EML6: variants seen among roughly 807,000 people sequenced by gnomAD.
EML6 encodes EMAP like 6.
Under a neutral mutation model 240.1 loss-of-function variants are expected in EML6, and 154 were observed. The observed-to-expected ratio is 0.64, with a 90% CI of 0.56 to 0.73. The LOEUF (loss-of-function observed/expected upper bound fraction) is 0.73, where lower values mean the gene tolerates loss of function less well. Ranked by LOEUF, EML6 falls within the 30% of genes least tolerant of loss-of-function variation. The probability of loss-of-function intolerance (pLI) is 0.00; values close to 1 mark genes in which losing one functional copy is unlikely to be tolerated. For missense variants in EML6, 2,964 were observed against 2,474.6 expected (o/e 1.20, Z -4.20); for synonymous variants, 1,148 against 899.0 (o/e 1.28, Z -4.95).
intron 2 of EML6, among the ~76,000 whole-genome samples, chr2:54,787,299 G>T (rs1345748567): frequency 6.6e-6 from 1 of 152,102 alleles, no homozygotes; most frequent in African/African-American, 2.4e-5. Context: ...GAGGGTTGGG[G>T]GGGGGTCTTT....
At chr2:54,743,665 A>G (rs1335518893) in intron 2 of EML6, among the ~76,000 whole-genome samples, 1 of 152,190 alleles carries the variant, frequency 6.6e-6, no homozygotes, top group Non-Finnish European at 1.5e-5. Flanking sequence ...CTAGAGTTGT[A>G]GTCTCTAAAC....
intron 28 of EML6, among the ~76,000 whole-genome samples, chr2:54,932,169 G>A (rs542436893): frequency 6.6e-6 from 1 of 152,248 alleles, no homozygotes; most frequent in South Asian, 2.1e-4. Context: ...AGAATCCTGG[G>A]CTACACCTAC....
In EML6 at chr2:54,970,399, G is replaced by A. The variant is rs1676938407; in HGVS notation, c.*304G>A. On this transcript the variant is annotated 3_prime_UTR_variant, in exon 42 of 42. Coordinates refer to ENST00000356458, the MANE Select transcript of EML6 (RefSeq NM_001039753.4). Reference sequence around the variant, plus strand: ...GAAATCCTATCTGATAATGTAGCCCGCTGACGAATTTTGAAGCCTCGGTTA... The same window carrying A: ...GAAATCCTATCTGATAATGTAGCCCACTGACGAATTTTGAAGCCTCGGTTA... 3 of 354,148 alleles carry A rather than the reference G, an allele frequency of 8.5e-6. No homozygotes were observed. The highest frequency in any genetic ancestry group is 4.1e-5 in the Admixed American group (1 of 24,396). The allele number at this position is 354,148 out of a possible 1,614,324, so 21.9% of individuals were successfully genotyped here.
At chr2:54,856,405 T>C (rs1312917294) in intron 11 of EML6, among the ~76,000 whole-genome samples, 1 of 152,134 alleles carries the variant, frequency 6.6e-6, no homozygotes, top group Non-Finnish European at 1.5e-5. Flanking sequence ...CATTCCTCCT[T>C]TGCATTACAC....
chr2:54,842,694 C>G (rs1669528185), intron 7 of EML6, among the ~76,000 whole-genome samples: 1 of 152,210 alleles, frequency 6.6e-6, no homozygotes, highest in African/African-American at 2.4e-5. Context: ...CAAAAACTCA[C>G]TGCCTAAACA....
chr2:54,957,641 G>A (rs960473797), intron 32 of EML6, 149 bp from the exon 33 acceptor site: 2 of 696,028 alleles, frequency 2.9e-6, no homozygotes, highest in African/African-American at 1.8e-5. Context: ...CTGCCACCTG[G>A]GGAATAGTGT....
At chr2:54,726,287 A>T (rs767835087) in intron 2 of EML6, among the ~76,000 whole-genome samples, 3 of 152,254 alleles carry the variant, frequency 2.0e-5, no homozygotes, top group African/African-American at 7.2e-5. Context: ...AACTACCATT[A>T]CATTCTCAGA....
At chr2:54,898,772 A>G (rs1422818229) in intron 21 of EML6, among the ~76,000 whole-genome samples, 1 of 152,222 alleles carries the variant, frequency 6.6e-6, no homozygotes, top group Non-Finnish European at 1.5e-5. Context: ...TAGCCATTAA[A>G]AAGCCAAAAT....
chr2:54,928,455 C>T lies in EML6; in HGVS notation c.3818C>T (p.Thr1273Ile), dbSNP rs200306471. ...ATCTGGACCAGGGAGTTTGTGGGGACCCAGGAGAGCAAGCTGGTGGACAGC... is the reference window on the plus strand; with the variant it reads ...ATCTGGACCAGGGAGTTTGTGGGGATCCAGGAGAGCAAGCTGGTGGACAGC... ...LMIWTREFVG[T>I]QESKLVDSEE... The change falls in exon 27 of 42, where the codon ACC (threonine) becomes ATC (isoleucine). Residue 1273 changes from threonine to isoleucine, a missense_variant. Thr to Ile is a moderately conservative substitution (Grantham distance 89, BLOSUM62 -1). Coordinates refer to ENST00000356458, the MANE Select transcript of EML6 (RefSeq NM_001039753.4). 1,659 of 1,549,948 alleles carry T rather than the reference C, an allele frequency of 1.1e-3. No homozygotes were observed. The highest frequency in any genetic ancestry group is 1.4e-3 in the Non-Finnish European group (1,587 of 1,145,952).
chr2:54,900,093 T>G (rs184791081), intron 22 of EML6, among the ~76,000 whole-genome samples: 81 of 152,336 alleles, frequency 5.3e-4, no homozygotes, highest in Admixed American at 9.1e-4. Context: ...TCATCAGCTT[T>G]TAAAGAATGC....
At chr2:54,927,913 G>A (rs889852471) in intron 26 of EML6, among the ~76,000 whole-genome samples, 2 of 152,224 alleles carry the variant, frequency 1.3e-5, no homozygotes, top group African/African-American at 4.8e-5. Flanking sequence ...TAGTACAAAA[G>A]TCACTGTAGG....
At chr2:54,882,073 G>A (rs540415843) in intron 17 of EML6, 4 of 152,294 alleles carry the variant, frequency 2.6e-5, no homozygotes, top group African/African-American at 9.6e-5. Flanking sequence ...TATTTTAAAT[G>A]AACCTACTCT....
chr2:54,743,527 A>G (rs1558519911), intron 2 of EML6, among the ~76,000 whole-genome samples: 2 of 152,216 alleles, frequency 1.3e-5, no homozygotes, highest in African/African-American at 2.4e-5. Context: ...CTAGTAACCA[A>G]CAGACCCAAC....
chr2:54,924,598 G>T (rs1410131493), intron 26 of EML6, among the ~76,000 whole-genome samples: 1 of 152,034 alleles, frequency 6.6e-6, no homozygotes, highest in African/African-American at 2.4e-5. Context: ...TTTTGCTCTT[G>T]TTGCCCAGGC....
At chr2:54,963,944 G>A (rs754113468) in intron 36 of EML6, 42 bp from the exon 37 acceptor site, 3 of 1,518,434 alleles carry the variant, frequency 2.0e-6, no homozygotes, top group East Asian at 4.9e-5. Flanking sequence ...GACCAGCTGA[G>A]GGGGCCAAGA....
intron 25 of EML6, among the ~76,000 whole-genome samples, chr2:54,915,213 C>T (rs763485665): frequency 1.3e-5 from 2 of 152,110 alleles, no homozygotes; most frequent in Non-Finnish European, 2.9e-5. Context: ...CATTTGCTTC[C>T]CCTGGAGAAC....
intron 16 of EML6, among the ~76,000 whole-genome samples, chr2:54,871,912 A>T (rs1237993773): frequency 1.3e-5 from 2 of 152,224 alleles, no homozygotes; most frequent in Non-Finnish European, 2.9e-5. Context: ...TGCTTGAGCA[A>T]TTTGAAATCC....
In EML6 at chr2:54,897,225, T is replaced by C. The variant is rs377245418; in HGVS notation, c.2982+1825T>C. On this transcript the variant is annotated intron_variant, in intron 21 of 41. Transcript: ENST00000356458. The stretch of plus-strand genomic sequence containing the variant: ...AAGATCTAAACTTTGTTTTCTCTCT[T>C]ATTTTGTTACACTTGAGGTAGTTTG... Among the ~76,000 whole-genome samples the C allele has an allele frequency of 1.1e-4, 17 of 152,220 alleles. 1 individual carries two copies. In the East Asian group the frequency reaches 1.3e-3, roughly 12 times the overall value.
chr2:54,821,341 T>C (rs1207988644), intron 5 of EML6, among the ~76,000 whole-genome samples: 2 of 152,126 alleles, frequency 1.3e-5, no homozygotes, highest in African/African-American at 4.8e-5. Context: ...ATAAGAAATA[T>C]GGAAGACTTA....
Sources: allele counts gnomAD v4.1 joint callset (sites outside exome capture counted in the v4.1 genomes callset), GRCh38; gene constraint gnomAD v4.1.1; transcripts MANE v1.5; gene names NCBI Gene and HGNC (gene_info 2026-07-23, HGNC 2026-07-21).